Variants in FRMPD1 observed in about 807,000 individuals in gnomAD.
FRMPD1 encodes FERM and PDZ domain-containing protein 1.
FRMPD1 carries 76 observed loss-of-function variants against 117.8 expected under a neutral mutation model. The ratio of observed to expected loss-of-function variants is 0.65; its 90% CI spans 0.54 to 0.78. The LOEUF (loss-of-function observed/expected upper bound fraction) is 0.78, where lower values mean the gene tolerates loss of function less well. Ranked by LOEUF, FRMPD1 falls within the 30% of genes least tolerant of loss-of-function variation. FRMPD1 has a pLI of 0.00. For synonymous variants in FRMPD1, 783 were observed against 770.4 expected, an observed-to-expected ratio of 1.02 and a Z score of -0.27; for missense variants, 1,786 against 1,964.5, an observed-to-expected ratio of 0.91 and a Z score of 1.72.
At chr9:37,695,417 T>A (rs1822286459) in intron 2 of FRMPD1, among the ~76,000 whole-genome samples, 2 of 152,190 alleles carry the variant, frequency 1.3e-5, no homozygotes. Flanking sequence ...ATATTAAACA[T>A]CTTCCCATGT....
chr9:37,639,476 C>T, the FRMPD1 span, among the ~76,000 whole-genome samples: 1 of 152,238 alleles, frequency 6.6e-6, no homozygotes, highest in East Asian at 1.9e-4. Context: ...TTTTCTGTAC[C>T]TCTGATGATA....
intron 8 of FRMPD1, 108 bp downstream of exon 8, chr9:37,729,961 C>T (rs1823796170): frequency 2.6e-6 from 3 of 1,174,002 alleles, no homozygotes; most frequent in South Asian, 3.0e-5. Context: ...GTTTGATGCA[C>T]TTTCTCTTGC....
chr9:37,680,563 T>G (rs1821692202), intron 1 of FRMPD1, among the ~76,000 whole-genome samples: 1 of 152,102 alleles, frequency 6.6e-6, no homozygotes, highest in Admixed American at 6.5e-5. Flanking sequence ...GAGGGCAGTT[T>G]GAGGTCAACC....
chr9:37,610,471 C>T, the FRMPD1 span, among the ~76,000 whole-genome samples: 360 of 131,138 alleles, frequency 2.7e-3, 2 homozygotes, highest in African/African-American at 0.01. Context: ...CCCACTCTGT[C>T]AAAAAAACAA....
chr9:37,692,532 T>G lies in FRMPD1; in HGVS notation c.-4-106T>G, dbSNP rs979618343. The G allele has an allele frequency of 1.0e-5, 8 of 774,812 alleles. No homozygotes were observed. In the African/African-American group the frequency reaches 1.4e-4, roughly 13 times the overall value. 48.0% of individuals were successfully genotyped at this position (774,812 alleles called of 1,614,324 possible). A position where few individuals can be genotyped will look rare whatever the true frequency, so the allele number is the denominator to read the frequency against. Reference sequence around the variant, plus strand: ...TAAGGGAGAACACTAGTTATTCGATTAGCATGTCTTATAATGGGCAAATAA... The same window carrying G: ...TAAGGGAGAACACTAGTTATTCGATGAGCATGTCTTATAATGGGCAAATAA... On this transcript the variant is annotated intron_variant, in intron 1 of 15. Transcript: ENST00000377765.
At position 37,724,214 on chromosome 9, in the gene FRMPD1, G is replaced by A; in HGVS notation, c.517-11G>A. On this transcript the variant is annotated splice_polypyrimidine_tract_variant and intron_variant, in intron 6 of 15. Transcript: ENST00000377765. ...AAGACAGGGATACAACAATACTCTT[G>A]TGTTTTCCAGGGTAATTCTCTGCTG... The A allele has an allele frequency of 7.0e-7, 1 of 1,422,804 alleles. No homozygotes were observed. The highest frequency in any genetic ancestry group is 2.3e-5 in the East Asian group (1 of 43,970). 88.1% of individuals were successfully genotyped at this position (1,422,804 alleles called of 1,614,324 possible). A position where few individuals can be genotyped will look rare whatever the true frequency, so the allele number is the denominator to read the frequency against.
At position 37,735,717 on chromosome 9, in the gene FRMPD1, T is replaced by A; in HGVS notation, c.1384T>A (p.Tyr462Asn). The change falls in exon 13 of 16, where the codon TAT becomes AAT. Residue 462 changes from tyrosine (Y) to asparagine (N), a missense_variant. Physicochemically the swap from Tyr to Asn is moderately radical, Grantham distance 143 (BLOSUM62 -2). Coordinates refer to ENST00000377765, the MANE Select transcript of FRMPD1 (RefSeq NM_014907.3). The stretch of plus-strand genomic sequence containing the variant: ...TGAGAAAGTGAGCGTCGTCAAAGTG[T>A]ATCTTCAGGACGTCAAGGTAACACA... ...ESEKVSVVKV[Y>N]LQDVKVLTLL... 1.1e-5 allele frequency: 18 copies of A among 1,613,366 alleles called. No individual in the cohort carries two copies. Among genetic ancestry groups the A allele is most frequent in the Non-Finnish European group, 1.5e-5 (18 of 1,179,426 alleles).
intron 2 of FRMPD1, among the ~76,000 whole-genome samples, chr9:37,701,547 G>A (rs113679315): frequency 4.4e-4 from 66 of 151,080 alleles, no homozygotes; most frequent in African/African-American, 1.6e-3. Context: ...GTGTGTTTTG[G>A]AGGCAGGTGA....
the FRMPD1 span, among the ~76,000 whole-genome samples, chr9:37,608,150 C>T: frequency 6.6e-6 from 1 of 152,230 alleles, no homozygotes; most frequent in South Asian, 2.1e-4. Context: ...CCACAGGGTC[C>T]TTGCTCGTAT....
chr9:37,664,980 T>A (rs1821118796), intron 1 of FRMPD1, among the ~76,000 whole-genome samples: 1 of 152,218 alleles, frequency 6.6e-6, no homozygotes, highest in Non-Finnish European at 1.5e-5. Flanking sequence ...TAATTACAGA[T>A]GTATTTTCAG....
In FRMPD1 at chr9:37,732,575, CA is replaced by C. The variant is rs1823937336; in HGVS notation, c.995+136del. On this transcript the variant is annotated intron_variant, in intron 10 of 15. Coordinates refer to ENST00000377765, the MANE Select transcript of FRMPD1 (RefSeq NM_014907.3). ...TTGTCTTTCCATCCATTTCCCTCTG[CA>C]CCCTCTCTAATCTGACCTGGCTCCC... The C allele has an allele frequency of 5.7e-5, 50 of 871,620 alleles. 1 individual carries two copies. In the East Asian group the frequency reaches 1.4e-3, roughly 24 times the overall value. The allele number at this position is 871,620 out of a possible 1,614,324, so 54.0% of individuals were successfully genotyped here. A position where few individuals can be genotyped will look rare whatever the true frequency, so the allele number is the denominator to read the frequency against.
intron 1 of FRMPD1, among the ~76,000 whole-genome samples, chr9:37,685,328 A>G (rs1821881715): frequency 6.6e-6 from 1 of 152,048 alleles, no homozygotes; most frequent in Non-Finnish European, 1.5e-5. Flanking sequence ...TTTATTTTTG[A>G]AACATATTTT....
At chr9:37,679,755 G>A (rs1245499061) in intron 1 of FRMPD1, among the ~76,000 whole-genome samples, 1 of 152,198 alleles carries the variant, frequency 6.6e-6, no homozygotes, top group African/African-American at 2.4e-5. Context: ...TGTCCAGTTG[G>A]GAGCAGAGCA....
chr9:37,699,709 C>T (rs867575028), intron 2 of FRMPD1, among the ~76,000 whole-genome samples: 2 of 152,158 alleles, frequency 1.3e-5, no homozygotes, highest in Non-Finnish European at 2.9e-5. Flanking sequence ...AATGTGACAT[C>T]GTGCTTTCTT....
intron 2 of FRMPD1, among the ~76,000 whole-genome samples, chr9:37,701,140 T>A (rs1374097104): frequency 1.3e-5 from 2 of 152,208 alleles, no homozygotes; most frequent in African/African-American, 2.4e-5. Flanking sequence ...ATGTCATTTG[T>A]CCACCATTGT....
chr9:37,633,942 G>A, the FRMPD1 span, among the ~76,000 whole-genome samples: 2 of 152,156 alleles, frequency 1.3e-5, no homozygotes, highest in Non-Finnish European at 2.9e-5. Flanking sequence ...TAATAGAGGT[G>A]TTTAACAACA....
chr9:37,618,374 A>G, the FRMPD1 span, among the ~76,000 whole-genome samples: 1 of 152,152 alleles, frequency 6.6e-6, no homozygotes, highest in Non-Finnish European at 1.5e-5. Context: ...CAAGAGTGGC[A>G]GTTCTCCCTC....
At position 37,745,010 on chromosome 9, in the gene FRMPD1, C is replaced by G; in HGVS notation, c.2978C>G (p.Ser993Cys). Residue 993 changes from serine to cysteine, a missense_variant, in exon 16 of 16, where the codon TCT becomes TGT. Coordinates refer to ENST00000377765, the MANE Select transcript of FRMPD1 (RefSeq NM_014907.3). ...QARPSQILPL[S>C]QDLDGIAPKE... ...AGGCCTTCCCAAATCTTACCTCTATCTCAAGACCTGGATGGGATTGCCCCC... is the reference window on the plus strand; with the variant it reads ...AGGCCTTCCCAAATCTTACCTCTATGTCAAGACCTGGATGGGATTGCCCCC... 1 of 1,614,224 alleles carries G rather than the reference C, an allele frequency of 6.2e-7. No individual in the cohort carries two copies. Among genetic ancestry groups the G allele is most frequent in the Non-Finnish European group, 8.5e-7 (1 of 1,180,036 alleles).
chr9:37,744,790 G>C lies in FRMPD1; in HGVS notation c.2758G>C (p.Val920Leu). The C allele has an allele frequency of 1.2e-6, 2 of 1,614,154 alleles. No homozygotes were observed. Among genetic ancestry groups the C allele is most frequent in the Non-Finnish European group, 1.7e-6 (2 of 1,180,034 alleles). The change falls in exon 16 of 16, where the codon GTC (valine) becomes CTC (leucine). Residue 920 changes from valine (V) to leucine (L), a missense_variant. Val to Leu is a conservative substitution (Grantham distance 32). Coordinates refer to ENST00000377765, the MANE Select transcript of FRMPD1 (RefSeq NM_014907.3). The stretch of plus-strand genomic sequence containing the variant: ...CAAGAGCACAAACCCAGCCTCCAGG[G>C]TCATGGAGATGGAGCCCGAGACCAT... Reference protein sequence around the residue: ...ETKSTNPASRVMEMEPETMET... With the variant: ...ETKSTNPASRLMEMEPETMET...
Sources: gnomAD v4.1 joint callset for allele counts (sites outside exome capture counted in the v4.1 genomes callset) on GRCh38, gnomAD v4.1.1 for gene constraint, MANE v1.5 for transcripts, NCBI Gene and HGNC (gene_info 2026-07-23, HGNC 2026-07-21) for gene names.